The following SRGAP2 variants were observed in gnomAD, a reference collection of about 807,000 sequenced individuals.
SRGAP2 encodes the protein SLIT-ROBO Rho GTPase-activating protein 2.
In SRGAP2, 15 loss-of-function variants were observed where a neutral mutation model predicts 57.2. The observed-to-expected ratio is 0.26, with a 90% CI of 0.18 to 0.40. SRGAP2 has a LOEUF of 0.40. Among genes scored for constraint, SRGAP2 ranks in the 10% least tolerant of loss-of-function variants. The pLI is 1.00. For synonymous variants in SRGAP2, 249 were observed against 248.0 expected (o/e 1.00, Z -0.04); for missense variants, 520 against 669.6 (o/e 0.78, Z 2.47).
At chr1:206,366,129 G>A (rs1271350326) in intron 4 of SRGAP2, among the ~76,000 whole-genome samples, 4 of 152,188 alleles carry the variant, frequency 2.6e-5, no homozygotes, top group Non-Finnish European at 4.4e-5. Flanking sequence ...AATATTTAGG[G>A]TTAACTAAAA....
At chr1:206,460,952 A>G in intron 22 of SRGAP2, 85 bp from the exon 23 acceptor site, 2 of 627,362 alleles carry the variant, frequency 3.2e-6, no homozygotes, top group Admixed American at 2.7e-5. Flanking sequence ...CATTTTCTTC[A>G]TGCCTTGGCC....
intron 2 of SRGAP2, among the ~76,000 whole-genome samples, chr1:206,287,821 TTGAC>T (rs1671098373): frequency 1.1e-5 from 1 of 94,978 alleles, no homozygotes; most frequent in Non-Finnish European, 1.9e-5. Context: ...TACAGTGTGT[TTGAC>T]TGCTGCTGGT....
chr1:206,238,566 T>G lies in SRGAP2; in HGVS notation c.67+32529T>G, dbSNP rs1427419168. On this transcript the variant is annotated intron_variant, in intron 2 of 22. Coordinates refer to ENST00000573034, the MANE Select transcript of SRGAP2 (RefSeq NM_015326.5). ...AATGGGTAGTTTGTTTTCATAGTGC[T>G]GCTTCTTATTTTCAAGGTTGAGGGC... is the stretch of plus-strand genomic sequence containing the variant. Among the ~76,000 whole-genome samples, 79 of 77,192 alleles carry G rather than the reference T, an allele frequency of 1.0e-3. 1 individual carries two copies. The highest frequency in any genetic ancestry group is 4.0e-3 in the African/African-American group (74 of 18,700). The allele number at this position is 77,192 out of a possible 152,430, so 50.6% of individuals were successfully genotyped here.
At chr1:206,393,464 A>G in intron 6 of SRGAP2, 81 bp from the exon 7 acceptor site, 1 of 655,082 alleles carries the variant, frequency 1.5e-6, no homozygotes, top group East Asian at 2.6e-5. Context: ...TAGTTCTTGA[A>G]TACACTGTAC....
chr1:206,249,853 C>G (rs1419867614), intron 2 of SRGAP2, among the ~76,000 whole-genome samples: 61 of 148,798 alleles, frequency 4.1e-4, no homozygotes, highest in African/African-American at 1.4e-3. Context: ...TCCCCCTCCT[C>G]CTTCACTAAA....
At chr1:206,303,631 T>A (rs1197866072) in intron 3 of SRGAP2, among the ~76,000 whole-genome samples, 158 bp downstream of exon 3, 1 of 152,222 alleles carries the variant, frequency 6.6e-6, no homozygotes, top group African/African-American at 2.4e-5. Context: ...AGATCAGTCT[T>A]ATGTGCAATT....
At chr1:206,250,456 C>T (rs1283515010) in intron 2 of SRGAP2, among the ~76,000 whole-genome samples, 1 of 100,766 alleles carries the variant, frequency 9.9e-6, no homozygotes, top group Non-Finnish European at 1.9e-5. Context: ...CATAGATGGA[C>T]GATGACCCTG....
At chr1:206,448,114 T>C (rs1192608846) in intron 18 of SRGAP2, among the ~76,000 whole-genome samples, 1 of 152,030 alleles carries the variant, frequency 6.6e-6, no homozygotes, top group African/African-American at 2.4e-5. Flanking sequence ...TCCTCTCCCT[T>C]CTTTGGGAAG....
chr1:206,460,284 C>G (rs1397657937), intron 22 of SRGAP2, among the ~76,000 whole-genome samples: 1 of 152,184 alleles, frequency 6.6e-6, no homozygotes, highest in African/African-American at 2.4e-5. Context: ...GGCTTGCATA[C>G]AAAGGTTCTT....
At chr1:206,339,980 G>A (rs1675058861) in intron 3 of SRGAP2, among the ~76,000 whole-genome samples, 1 of 137,038 alleles carries the variant, frequency 7.3e-6, no homozygotes, top group Non-Finnish European at 1.5e-5. Context: ...AGTAGAGATG[G>A]GGTTTTGCCA....
At chr1:206,451,399 C>G (rs1663295727) in intron 19 of SRGAP2, among the ~76,000 whole-genome samples, 2 of 152,090 alleles carry the variant, frequency 1.3e-5, no homozygotes. Flanking sequence ...GCACATTTCC[C>G]CCGCTTCCAA....
chr1:206,327,836 T>C (rs1275825164), intron 3 of SRGAP2, among the ~76,000 whole-genome samples: 1 of 108,288 alleles, frequency 9.2e-6, no homozygotes, highest in Non-Finnish European at 1.7e-5. Flanking sequence ...CTTTAAGTTT[T>C]AGGGTACATG....
chr1:206,422,579 A>G (rs1307887161), intron 13 of SRGAP2, among the ~76,000 whole-genome samples: 1 of 152,238 alleles, frequency 6.6e-6, no homozygotes, highest in African/African-American at 2.4e-5. Context: ...AAGAAAAGAA[A>G]TGAGCTTGAA....
chr1:206,254,179 GTTTTT>G (rs373417477), intron 2 of SRGAP2, among the ~76,000 whole-genome samples: 1 of 47,138 alleles, frequency 2.1e-5, no homozygotes, highest in Middle Eastern at 8.8e-3. Context: ...TGCTTTTTCT[GTTTTT>G]TTTTTTTTTT....
chr1:206,253,586 T>TG (rs1171242573), intron 2 of SRGAP2, among the ~76,000 whole-genome samples: 1 of 140,868 alleles, frequency 7.1e-6, no homozygotes. Flanking sequence ...TTTTTTTTTT[T>TG]TTTTTTTGAG....
chr1:206,347,312 T>C (rs1160704652), intron 4 of SRGAP2, among the ~76,000 whole-genome samples: 8 of 151,458 alleles, frequency 5.3e-5, no homozygotes, highest in African/African-American at 1.9e-4. Flanking sequence ...GAGCGGTGGC[T>C]CACGCCTGTA....
chr1:206,455,494 A>G, intron 21 of SRGAP2: 1 of 184,310 alleles, frequency 5.4e-6, no homozygotes, highest in African/African-American at 2.4e-5. Flanking sequence ...CTGATGTTAC[A>G]CCAGGTGGGT....
chr1:206,313,865 A>G (rs1226373144), intron 3 of SRGAP2, among the ~76,000 whole-genome samples: 2 of 151,354 alleles, frequency 1.3e-5, no homozygotes, highest in Non-Finnish European at 2.9e-5. Context: ...TCTTCTTACC[A>G]TGTGCCAGAC....
chr1:206,377,496 T>G (rs1655326485), intron 4 of SRGAP2, among the ~76,000 whole-genome samples: 1 of 124,922 alleles, frequency 8.0e-6, no homozygotes. Context: ...TTTTTTTTTT[T>G]TTTTGGCAAG....
Sources: gnomAD v4.1 joint callset for allele counts (sites outside exome capture counted in the v4.1 genomes callset) on GRCh38, gnomAD v4.1.1 for gene constraint, MANE v1.5 for transcripts, NCBI Gene and HGNC (gene_info 2026-07-23, HGNC 2026-07-21) for gene names.